The following ADAMTSL1 variants were observed in gnomAD, a reference collection of about 807,000 sequenced individuals.
The protein encoded by ADAMTSL1 is ADAMTS like 1, also known as ADAMTS-like protein 1.
Under a neutral mutation model 201.8 loss-of-function variants are expected in ADAMTSL1, and 126 were observed. That is an observed-to-expected ratio of 0.62 (90% CI 0.54 to 0.72). ADAMTSL1 has a LOEUF of 0.72. Among genes scored for constraint, ADAMTSL1 ranks in the 30% least tolerant of loss-of-function variants. ADAMTSL1 has a pLI of 0.00. For missense variants in ADAMTSL1, 2,679 were observed against 2,277.8 expected (o/e 1.18, Z -3.59); for synonymous variants, 1,121 against 903.4 (o/e 1.24, Z -4.32).
intron 15 of ADAMTSL1, among the ~76,000 whole-genome samples, chr9:18,724,374 T>C (rs546770822): frequency 6.6e-6 from 1 of 152,322 alleles, no homozygotes; most frequent in South Asian, 2.1e-4. Flanking sequence ...ACTTGGCTTC[T>C]CTTGACTCTG....
intron 2 of ADAMTSL1, among the ~76,000 whole-genome samples, chr9:18,458,109 T>A (rs1313023716): frequency 6.6e-6 from 1 of 152,200 alleles, no homozygotes; most frequent in Non-Finnish European, 1.5e-5. Flanking sequence ...TGCAATTGCA[T>A]GGGATGCCCA....
Position 17,988,713 on chromosome 9 carries a change from G to A in ADAMTSL1, c.87+81791G>A, listed in dbSNP as rs147213236. On this transcript the variant is annotated intron_variant, in intron 1 of 29. Transcript: ENST00000680146. ...CTCCTCTGCTGATGTCAGCATGAAT[G>A]TGTTACTGCTTTCAATTATCAGTGA... is the stretch of plus-strand genomic sequence containing the variant. 1.1e-3 allele frequency among the ~76,000 whole-genome samples: 173 copies of A among 152,062 alleles called. 3 individuals carry two copies. The East Asian group carries it at 0.026, about 23-fold the overall frequency.
intron 1 of ADAMTSL1, among the ~76,000 whole-genome samples, chr9:18,161,008 G>C (rs554203733): frequency 8.6e-5 from 13 of 151,822 alleles, no homozygotes; most frequent in Non-Finnish European, 1.5e-4. Context: ...AGAATTTTAA[G>C]TTTAGTTCAG....
intron 1 of ADAMTSL1, among the ~76,000 whole-genome samples, chr9:17,973,230 G>T (rs2131435009): frequency 6.6e-6 from 1 of 151,182 alleles, no homozygotes; most frequent in Non-Finnish European, 1.5e-5. Flanking sequence ...TAGACATGAA[G>T]TCCTTGCCCA....
chr9:18,012,551 C>G (rs1184488873), intron 1 of ADAMTSL1, among the ~76,000 whole-genome samples: 1 of 152,048 alleles, frequency 6.6e-6, no homozygotes, highest in Non-Finnish European at 1.5e-5. Flanking sequence ...GTGAACATTG[C>G]TTTCCAACTA....
At chr9:18,852,544 C>A (rs1563858902) in intron 23 of ADAMTSL1, among the ~76,000 whole-genome samples, 1 of 152,222 alleles carries the variant, frequency 6.6e-6, no homozygotes, top group Non-Finnish European at 1.5e-5. Flanking sequence ...TCATTTTATG[C>A]AGTTCATATT....
At chr9:18,196,066 A>G (rs1944747) in intron 2 of ADAMTSL1, among the ~76,000 whole-genome samples, 72,251 of 151,892 alleles carry the variant, frequency 0.48, 17,580 homozygotes, top group Admixed American at 0.55. Context: ...GTGCCATTCC[A>G]CGGGTGGACG....
At chr9:18,359,534 A>C (rs558532085) in intron 2 of ADAMTSL1, among the ~76,000 whole-genome samples, 1 of 152,174 alleles carries the variant, frequency 6.6e-6, no homozygotes, top group Non-Finnish European at 1.5e-5. Context: ...AAGATATTTG[A>C]ATCAAGGTCC....
intron 1 of ADAMTSL1, among the ~76,000 whole-genome samples, chr9:18,110,364 T>C (rs896743722): frequency 7.2e-5 from 11 of 152,202 alleles, no homozygotes; most frequent in African/African-American, 2.2e-4. Flanking sequence ...CAGCGAATGC[T>C]GCAGGTAGGG....
At chr9:18,620,765 T>A (rs954396278) in intron 4 of ADAMTSL1, among the ~76,000 whole-genome samples, 3 of 152,192 alleles carry the variant, frequency 2.0e-5, no homozygotes, top group South Asian at 2.1e-4. Flanking sequence ...TCCCTGACTT[T>A]AGAACTCAGC....
chr9:18,872,156 C>G (rs545150214), intron 23 of ADAMTSL1, among the ~76,000 whole-genome samples: 8 of 90,854 alleles, frequency 8.8e-5, no homozygotes, highest in African/African-American at 4.5e-4. Flanking sequence ...TCCTAAATAA[C>G]CTTCTTTTTT....
At chr9:18,002,818 A>G (rs748992315) in intron 1 of ADAMTSL1, among the ~76,000 whole-genome samples, 2 of 152,088 alleles carry the variant, frequency 1.3e-5, no homozygotes, top group Non-Finnish European at 2.9e-5. Flanking sequence ...AAGTCAAAGT[A>G]CAAGAGAGTT....
At chr9:18,049,090 C>T (rs996471180) in intron 1 of ADAMTSL1, among the ~76,000 whole-genome samples, 5 of 152,182 alleles carry the variant, frequency 3.3e-5, no homozygotes, top group African/African-American at 1.2e-4. Flanking sequence ...CTCTGCTCTC[C>T]CTCCCCTTTC....
At chr9:18,111,755 C>T (rs1378513542) in intron 1 of ADAMTSL1, among the ~76,000 whole-genome samples, 1 of 152,046 alleles carries the variant, frequency 6.6e-6, no homozygotes, top group Non-Finnish European at 1.5e-5. Context: ...AAGTTGGGGT[C>T]ACGGTTTTCA....
At chr9:18,298,928 C>T (rs923004192) in intron 2 of ADAMTSL1, among the ~76,000 whole-genome samples, 5 of 151,206 alleles carry the variant, frequency 3.3e-5, no homozygotes, top group Admixed American at 6.6e-5. Context: ...AGGAGAATGG[C>T]GTGAACCCGG....
At chr9:18,223,574 T>C (rs1348412713) in intron 2 of ADAMTSL1, among the ~76,000 whole-genome samples, 1 of 152,160 alleles carries the variant, frequency 6.6e-6, no homozygotes, top group African/African-American at 2.4e-5. Flanking sequence ...AATTATACTT[T>C]TCATCTCTAG....
chr9:18,316,309 G>T (rs1320016411), intron 2 of ADAMTSL1, among the ~76,000 whole-genome samples: 1 of 152,062 alleles, frequency 6.6e-6, no homozygotes, highest in South Asian at 2.1e-4. Flanking sequence ...AGGGCAACTG[G>T]TCTGACCAAA....
chr9:18,643,384 G>A (rs1827571577), intron 7 of ADAMTSL1, among the ~76,000 whole-genome samples: 1 of 151,942 alleles, frequency 6.6e-6, no homozygotes, highest in African/African-American at 2.4e-5. Context: ...TCACTCTGTT[G>A]ATTGTTTCCT....
At chr9:18,066,847 T>C (rs1822726206) in intron 1 of ADAMTSL1, among the ~76,000 whole-genome samples, 1 of 152,122 alleles carries the variant, frequency 6.6e-6, no homozygotes, top group African/African-American at 2.4e-5. Flanking sequence ...GAGACATAGA[T>C]GAAAGTGGAA....
Sources: gnomAD v4.1 joint callset for allele counts (sites outside exome capture counted in the v4.1 genomes callset) on GRCh38, gnomAD v4.1.1 for gene constraint, MANE v1.5 for transcripts, NCBI Gene and HGNC (gene_info 2026-07-23, HGNC 2026-07-21) for gene names.